PCDH11Y: variants seen among roughly 807,000 people sequenced by gnomAD.
PCDH11Y encodes protocadherin-11 Y-linked.
For synonymous variants in PCDH11Y, 9 were observed against 83.6 expected (o/e 0.11, Z 4.87); for missense variants, 12 against 224.8 (o/e 0.05, Z 6.05).
At chrY:5,407,727 C>A (rs1602920824) in intron 2 of PCDH11Y, among the ~76,000 whole-genome samples, 3 of 30,667 alleles carry the variant, frequency 9.8e-5, no homozygotes, top group East Asian at 8.6e-4. Context: ...TTCTGGCTAA[C>A]AAGGTGAAAC....
chrY:5,645,365 A>G (rs2053526555), intron 4 of PCDH11Y, among the ~76,000 whole-genome samples: 12 of 32,784 alleles, frequency 3.7e-4, no homozygotes, highest in Non-Finnish European at 8.9e-4. Flanking sequence ...TTTCTTCTAC[A>G]ACCTGCAACA....
At chrY:5,165,862 G>T (rs2124644878) in intron 2 of PCDH11Y, among the ~76,000 whole-genome samples, 1 of 32,799 alleles carries the variant, frequency 3.0e-5, no homozygotes. Flanking sequence ...AACAATGAGA[G>T]AAGTGACATC....
At position 5,065,258 on chromosome Y, in the gene PCDH11Y, C is replaced by T. The variant is rs2124629636; in HGVS notation, c.636+7799C>T. Among the ~76,000 whole-genome samples, 15 of 33,000 alleles carry T rather than the reference C, an allele frequency of 4.5e-4. No individual in the cohort carries two copies. The South Asian group carries it at 4.8e-3, about 10-fold the overall frequency. The allele number at this position is 33,000 out of a possible 37,273, so 88.5% of individuals were successfully genotyped here. Reference sequence around the variant, plus strand: ...AATCATTTTGAGACTGGAAATAAAACGTTTTGATGACAATGGTAATTCTTG... The same window carrying T: ...AATCATTTTGAGACTGGAAATAAAATGTTTTGATGACAATGGTAATTCTTG... On this transcript the variant is annotated intron_variant, in intron 1 of 1. Transcript: ENST00000215473.
chrY:5,325,701 ACAGTGTAAACTGG>A (rs2053118856), intron 2 of PCDH11Y, among the ~76,000 whole-genome samples: 1 of 33,089 alleles, frequency 3.0e-5, no homozygotes, highest in African/African-American at 1.2e-4. Context: ...GCTTGGAGAA[ACAGTGTAAACTGG>A]CAGTGTAAAC....
intron 2 of PCDH11Y, among the ~76,000 whole-genome samples, chrY:5,223,182 T>A: frequency 3.0e-5 from 1 of 33,397 alleles, no homozygotes. Flanking sequence ...TTTTGCTATA[T>A]GTTAACTGTA....
chrY:5,067,838 A>C (rs1602855484), intron 1 of PCDH11Y, among the ~76,000 whole-genome samples: 6 of 29,931 alleles, frequency 2.0e-4, no homozygotes, highest in East Asian at 1.8e-3. Flanking sequence ...TGGTGAAACC[A>C]CGTCTCTACT....
chrY:5,455,986 T>C, intron 2 of PCDH11Y, among the ~76,000 whole-genome samples: 1 of 33,658 alleles, frequency 3.0e-5, no homozygotes, highest in Admixed American at 2.7e-4. Context: ...AAAGAGATTC[T>C]GCATAACAAA....
chrY:5,644,166 G>C, intron 4 of PCDH11Y, among the ~76,000 whole-genome samples: 1 of 32,532 alleles, frequency 3.1e-5, no homozygotes, highest in Non-Finnish European at 7.6e-5. Flanking sequence ...TCTGACAGTT[G>C]GGAACACCTA....
At chrY:5,360,920 G>A (rs2053174072) in intron 2 of PCDH11Y, among the ~76,000 whole-genome samples, 1 of 32,835 alleles carries the variant, frequency 3.0e-5, no homozygotes, top group Non-Finnish European at 7.4e-5. Context: ...GGAACAAAGG[G>A]AAGAGGAATA....
At chrY:5,366,163 TA>T (rs2053179881) in intron 2 of PCDH11Y, among the ~76,000 whole-genome samples, 1 of 33,786 alleles carries the variant, frequency 3.0e-5, no homozygotes, top group African/African-American at 1.1e-4. Flanking sequence ...CATTTAAACC[TA>T]ATGTTTTTTT....
chrY:5,385,429 G>T (rs2053212786), intron 2 of PCDH11Y, among the ~76,000 whole-genome samples: 1 of 30,746 alleles, frequency 3.3e-5, no homozygotes, highest in Non-Finnish European at 7.8e-5. Flanking sequence ...ACTTCACTTA[G>T]AATCATAGTC....
At chrY:5,472,199 T>C in intron 2 of PCDH11Y, among the ~76,000 whole-genome samples, 1 of 32,988 alleles carries the variant, frequency 3.0e-5, no homozygotes, top group Non-Finnish European at 7.6e-5. Flanking sequence ...TGTCTTTTAC[T>C]ACATCATACA....
chrY:5,233,219 G>A (rs2052970122), intron 2 of PCDH11Y, among the ~76,000 whole-genome samples: 39 of 31,721 alleles, frequency 1.2e-3, no homozygotes, highest in African/African-American at 4.2e-3. Flanking sequence ...TTGCTGGGGG[G>A]CAACTATAGG....
chrY:5,231,940 A>AT (rs2052968497), intron 2 of PCDH11Y, among the ~76,000 whole-genome samples: 1 of 32,898 alleles, frequency 3.0e-5, no homozygotes, highest in African/African-American at 1.2e-4. Context: ...ACCTCAGGCC[A>AT]TGACGTATAC....
At chrY:5,588,721 T>G (rs1267861661) in intron 4 of PCDH11Y, among the ~76,000 whole-genome samples, 12 of 33,514 alleles carry the variant, frequency 3.6e-4, no homozygotes, top group Non-Finnish European at 6.7e-4. Context: ...TGCTCCATTG[T>G]ATGTTATTTG....
intron 2 of PCDH11Y, among the ~76,000 whole-genome samples, chrY:5,481,694 A>AT (rs2053325908): frequency 3.1e-5 from 1 of 32,449 alleles, no homozygotes; most frequent in Admixed American, 2.8e-4. Context: ...TTATAATGTG[A>AT]TTTTTTTGAC....
At chrY:5,729,433 T>C in intron 4 of PCDH11Y, among the ~76,000 whole-genome samples, 1 of 31,558 alleles carries the variant, frequency 3.2e-5, no homozygotes, top group African/African-American at 1.2e-4. Flanking sequence ...TTGAGAAGTG[T>C]CTGTTTATAT....
chrY:5,224,848 C>T, intron 2 of PCDH11Y, among the ~76,000 whole-genome samples: 4 of 33,033 alleles, frequency 1.2e-4, no homozygotes, highest in African/African-American at 4.7e-4. Flanking sequence ...GCCAAGGTGC[C>T]ACTGGACTGG....
chrY:5,644,459 G>A, intron 4 of PCDH11Y, among the ~76,000 whole-genome samples: 14 of 32,688 alleles, frequency 4.3e-4, no homozygotes, highest in African/African-American at 1.7e-3. Flanking sequence ...ATAGACATAA[G>A]AACAATGTAA....
Sources: allele counts gnomAD v4.1 joint callset (sites outside exome capture counted in the v4.1 genomes callset), GRCh38; gene constraint gnomAD v4.1.1; transcripts MANE v1.5; gene names NCBI Gene and HGNC (gene_info 2026-07-23, HGNC 2026-07-21).